Variants in CD96 observed in about 807,000 individuals in gnomAD.
CD96 encodes the protein T-cell surface protein tactile.
Under a neutral mutation model 71.3 loss-of-function variants are expected in CD96, and 70 were observed. That is an observed-to-expected ratio of 0.98 (90% CI 0.81 to 1.20). The LOEUF is 1.20. Among genes scored for constraint, CD96 ranks in the 50% most tolerant of loss-of-function variants. The pLI, the probability that CD96 is intolerant of heterozygous loss-of-function variation, is 0.00. For missense variants in CD96, 742 were observed against 677.5 expected (o/e 1.10, Z -1.06); for synonymous variants, 248 against 233.0 (o/e 1.06, Z -0.59).
Position 111,624,416 on chromosome 3 carries a change from T to A in CD96, c.1321+12T>A, listed in dbSNP as rs749347208. On this transcript the variant is annotated intron_variant, in intron 10 of 13. Transcript: ENST00000352690. The stretch of plus-strand genomic sequence containing the variant: ...AGATACCAAAAAATGTTAAGTATAA[T>A]CGTGGGTCCCTTGAGTCCTCTGGAC... 1.9e-6 allele frequency: 3 copies of A among 1,548,988 alleles called. No individual in the cohort carries two copies. Among genetic ancestry groups the A allele is most frequent in the African/African-American group, 1.4e-5 (1 of 73,570 alleles).
intron 12 of CD96, among the ~76,000 whole-genome samples, chr3:111,644,955 A>T (rs1939759993): frequency 6.6e-6 from 1 of 152,222 alleles, no homozygotes; most frequent in South Asian, 2.1e-4. Context: ...CAGTGTGAAG[A>T]TTCCTTAAAG....
At chr3:111,556,271 G>A (rs1935029476) in intron 2 of CD96, among the ~76,000 whole-genome samples, 1 of 75,234 alleles carries the variant, frequency 1.3e-5, no homozygotes, top group African/African-American at 4.9e-5. Flanking sequence ...AGTTACATAT[G>A]TATACATGTG....
intron 5 of CD96, among the ~76,000 whole-genome samples, chr3:111,592,117 T>C (rs1212397568): frequency 6.6e-6 from 1 of 152,194 alleles, no homozygotes; most frequent in East Asian, 1.9e-4. Context: ...GTTTTGTTTT[T>C]TAATGTGTGT....
chr3:111,637,440 G>A (rs1470024283), intron 11 of CD96, among the ~76,000 whole-genome samples, 179 bp downstream of exon 11: 2 of 152,142 alleles, frequency 1.3e-5, no homozygotes, highest in Non-Finnish European at 2.9e-5. Context: ...AAAGAAGATA[G>A]AGACCAAGCC....
rs777210215 is a variant in CD96 at position 111,624,346 on chromosome 3, T to A, written c.1263T>A (p.Ser421Arg). 3.3e-5 allele frequency: 53 copies of A among 1,610,234 alleles called. No individual in the cohort carries two copies. The highest frequency in any genetic ancestry group is 4.2e-5 in the Non-Finnish European group (49 of 1,176,592). ...PNTTPQPSNS[S>R]MTTRGFNYPW... ...TTTGTCTTTCAGCCAGCAATTCCAGTATGACTACCCGAGGCTTCAACTATC... is the reference window on the plus strand; with the variant it reads ...TTTGTCTTTCAGCCAGCAATTCCAGAATGACTACCCGAGGCTTCAACTATC... Residue 421 changes from serine (S) to arginine (R), a missense_variant, in exon 10 of 14, where the codon AGT becomes AGA. Physicochemically the swap from Ser to Arg is moderately radical, Grantham distance 110. Transcript: ENST00000352690.
rs111888870 is a variant in CD96, at chr3:111,594,017, T to C, written c.808-4103T>C. The stretch of plus-strand genomic sequence containing the variant: ...GTGCCCAGCACGAGCAGGAGCTAGG[T>C]GGAAATATTCCCATGCCTCAGAGAA... On this transcript the variant is annotated intron_variant, in intron 5 of 13. Coordinates refer to ENST00000352690, the MANE Select transcript of CD96 (RefSeq NM_005816.5). 4.6e-5 allele frequency: 74 copies of C among 1,614,098 alleles called. No homozygotes were observed. In the South Asian group the frequency reaches 7.6e-4, roughly 17 times the overall value.
intron 6 of CD96, among the ~76,000 whole-genome samples, chr3:111,598,957 T>TTTTTATTTTATTTTA (rs200746113): frequency 8.6e-5 from 13 of 151,470 alleles, no homozygotes; most frequent in African/African-American, 3.2e-4. Context: ...TTCTGAATTA[T>TTTTTATTTTATTTTA]TTTTATTTTA....
intron 7 of CD96, among the ~76,000 whole-genome samples, chr3:111,601,370 A>G (rs1937490156): frequency 2.0e-5 from 3 of 152,202 alleles, no homozygotes; most frequent in African/African-American, 4.8e-5. Flanking sequence ...AAAATACCAT[A>G]AAAATAGGGA....
intron 3 of CD96, among the ~76,000 whole-genome samples, chr3:111,568,109 T>C (rs1935809266): frequency 1.3e-5 from 2 of 152,158 alleles, no homozygotes; most frequent in African/African-American, 4.8e-5. Flanking sequence ...GCTTGTGAAA[T>C]ATAAGCAGCA....
intron 1 of CD96, among the ~76,000 whole-genome samples, chr3:111,544,460 G>A (rs982026345): frequency 6.6e-6 from 1 of 152,088 alleles, no homozygotes; most frequent in African/African-American, 2.4e-5. Context: ...GTGACTTTGA[G>A]CATACTGTTT....
intron 10 of CD96, among the ~76,000 whole-genome samples, chr3:111,631,454 C>T (rs909427026): frequency 6.6e-6 from 1 of 152,032 alleles, no homozygotes; most frequent in Non-Finnish European, 1.5e-5. Context: ...AGTGAAGAGC[C>T]TCTTCAAGAA....
intron 12 of CD96, among the ~76,000 whole-genome samples, chr3:111,639,432 G>C (rs944956860): frequency 1.3e-5 from 2 of 152,122 alleles, no homozygotes; most frequent in Non-Finnish European, 2.9e-5. Flanking sequence ...CAACTCCAGT[G>C]ACCTGGGAAT....
chr3:111,586,769 A>G (rs868709209), intron 5 of CD96, among the ~76,000 whole-genome samples: 2 of 152,110 alleles, frequency 1.3e-5, no homozygotes, highest in African/African-American at 2.4e-5. Context: ...CCATGCTTCA[A>G]TTACCTCCCA....
In CD96 at chr3:111,600,777, T is replaced by C; in HGVS notation, c.950T>C (p.Leu317Pro). ...AAAGGCAAAGATGGATTTTTGGAAC[T>C]GAAGTCTGTTTTAACAAGGGTACAT... ...ERKGKDGFLE[L>P]KSVLTRVHSN... Residue 317 changes from leucine to proline, a missense_variant, in exon 7 of 14, where the codon CTG becomes CCG. Leu to Pro is a moderately conservative substitution (Grantham distance 98, BLOSUM62 -3). Coordinates refer to ENST00000352690, the MANE Select transcript of CD96 (RefSeq NM_005816.5). The C allele has an allele frequency of 6.2e-7, 1 of 1,613,648 alleles. No homozygotes were observed. Among genetic ancestry groups the C allele is most frequent in the South Asian group, 1.1e-5 (1 of 91,064 alleles).
intron 4 of CD96, among the ~76,000 whole-genome samples, chr3:111,582,634 G>T (rs890238157): frequency 4.7e-4 from 71 of 152,166 alleles, no homozygotes; most frequent in Admixed American, 6.5e-4. Flanking sequence ...GATTTAGTTG[G>T]ACTTAAAGTT....
chr3:111,642,511 C>A (rs1939639329), intron 12 of CD96, among the ~76,000 whole-genome samples: 1 of 152,112 alleles, frequency 6.6e-6, no homozygotes, highest in Non-Finnish European at 1.5e-5. Context: ...TTAAAAATTA[C>A]CAACAAGGGC....
intron 3 of CD96, among the ~76,000 whole-genome samples, chr3:111,567,938 T>C (rs1036751088): frequency 6.6e-6 from 1 of 152,236 alleles, no homozygotes; most frequent in Non-Finnish European, 1.5e-5. Context: ...AGTGTGATAG[T>C]GCCCTAGAAA....
downstream of CD96, among the ~76,000 whole-genome samples, chr3:111,655,942 A>G (rs1940217441): frequency 6.6e-6 from 1 of 151,530 alleles, no homozygotes; most frequent in Non-Finnish European, 1.5e-5. Flanking sequence ...TCTATGGTAT[A>G]CATCTATATA....
At chr3:111,614,725 A>AG (rs1938143679) in intron 8 of CD96, among the ~76,000 whole-genome samples, 1 of 152,068 alleles carries the variant, frequency 6.6e-6, no homozygotes, top group Admixed American at 6.5e-5. Flanking sequence ...TCTCTTCTCC[A>AG]TGCCCATTCA....
Sources: allele counts gnomAD v4.1 joint callset (sites outside exome capture counted in the v4.1 genomes callset), GRCh38; gene constraint gnomAD v4.1.1; transcripts MANE v1.5; gene names NCBI Gene and HGNC (gene_info 2026-07-23, HGNC 2026-07-21).